SMARCD3: variants seen among roughly 807,000 people sequenced by gnomAD.
The protein encoded by SMARCD3 is SWI/SNF-related matrix-associated actin-dependent regulator of chromatin subfamily D member 3.
SMARCD3 carries 14 observed loss-of-function variants against 58.0 expected under a neutral mutation model. The observed-to-expected ratio is 0.24, with a 90% CI of 0.16 to 0.38. The LOEUF (loss-of-function observed/expected upper bound fraction) is 0.38. SMARCD3 is among the 10% of genes least tolerant of loss of function. The pLI is 1.00. For missense variants in SMARCD3, 408 were observed against 636.9 expected, an observed-to-expected ratio of 0.64 and a Z score of 3.87; for synonymous variants, 253 against 253.8, an observed-to-expected ratio of 1.00 and a Z score of 0.03.
exon 2 of SMARCD3, chr7:151,275,233 C>T: frequency 8.4e-7 from 1 of 1,192,518 alleles, no homozygotes; most frequent in Non-Finnish European, 1.2e-6. Context: ...CCTGCAGCAC[C>T]AAGGGCCATT....
Position 151,243,568 on chromosome 7 carries a change from T to TGAC in SMARCD3, c.333+90_333+91insGTC. 1.3e-6 allele frequency: 1 copy of TGAC among 742,212 alleles called. No individual in the cohort carries two copies. The highest frequency in any genetic ancestry group is 1.4e-5 in the South Asian group (1 of 69,628). The allele number at this position is 742,212 out of a possible 1,614,324, so 46.0% of individuals were successfully genotyped here. A position where few individuals can be genotyped will look rare whatever the true frequency, so the allele number is the denominator to read the frequency against. On this transcript the variant is annotated intron_variant, in intron 3 of 12. Transcript: ENST00000262188. The surrounding 1 kb of genome is among the most constrained non-coding windows in gnomAD (Gnocchi z 4.4). Reference sequence around the variant, plus strand: ...TTTAAACAAAAAGTGAAAGTGACTGTGATGCTGAAGCTCTGCTTCTGAGGG... The same window carrying TGAC: ...TTTAAACAAAAAGTGAAAGTGACTGTGACGATGCTGAAGCTCTGCTTCTGAGGG...
chr7:151,251,914 G>C (rs973027926), upstream of SMARCD3, among the ~76,000 whole-genome samples: 2 of 146,774 alleles, frequency 1.4e-5, no homozygotes, highest in East Asian at 2.0e-4. Context: ...AGCTGGGGGG[G>C]CTCGGGCCGG....
intron 2 of SMARCD3, among the ~76,000 whole-genome samples, chr7:151,271,757 C>G (rs1795181304): frequency 6.6e-6 from 1 of 151,916 alleles, no homozygotes; most frequent in South Asian, 2.1e-4. Flanking sequence ...TTGAGACCAG[C>G]CTAGGAAATA....
chr7:151,271,424 T>C (rs1795171213), intron 2 of SMARCD3, among the ~76,000 whole-genome samples: 1 of 152,034 alleles, frequency 6.6e-6, no homozygotes, highest in South Asian at 2.1e-4. Flanking sequence ...TGCACTTAAG[T>C]TAACTGATGC....
At chr7:151,271,468 G>A (rs1015054259) in intron 2 of SMARCD3, among the ~76,000 whole-genome samples, 4 of 151,958 alleles carry the variant, frequency 2.6e-5, no homozygotes, top group African/African-American at 7.3e-5. Flanking sequence ...CAGGACCTGT[G>A]GGGAAAGACC....
At chr7:151,265,430 C>T (rs1012777801) in intron 2 of SMARCD3, among the ~76,000 whole-genome samples, 3 of 152,226 alleles carry the variant, frequency 2.0e-5, no homozygotes, top group East Asian at 1.9e-4. Flanking sequence ...TTCCAGCCTC[C>T]GACACTGGGA....
chr7:151,273,648 G>A (rs1198394612), intron 2 of SMARCD3, among the ~76,000 whole-genome samples: 1 of 152,244 alleles, frequency 6.6e-6, no homozygotes, highest in Non-Finnish European at 1.5e-5. Context: ...GGGAGGTGTT[G>A]GGGATAAGGG....
intron 2 of SMARCD3, among the ~76,000 whole-genome samples, chr7:151,258,898 G>A (rs116645879): frequency 1.8e-3 from 271 of 152,156 alleles, no homozygotes; most frequent in African/African-American, 6.2e-3. Flanking sequence ...TTCTCAATGA[G>A]GCACAGTCTG....
intron 2 of SMARCD3, among the ~76,000 whole-genome samples, chr7:151,267,106 C>G (rs1213818917): frequency 6.6e-6 from 1 of 152,192 alleles, no homozygotes; most frequent in African/African-American, 2.4e-5. Context: ...AAACATTTAC[C>G]CGCACACCAC....
rs1056738332 is a variant in SMARCD3, at chr7:151,243,304, C to T, written c.333+355G>A. On this transcript the variant is annotated intron_variant, in intron 3 of 12. Transcript: ENST00000262188. This position sits in a 1 kb window ranked among gnomAD's most constrained non-coding sequence, Gnocchi z 4.4. ...GTCCCAACTGTGCTGTCCCCATACC[C>T]AGCTGGACCTGGGTCTCTTTAGGAT... 6.6e-6 allele frequency among the ~76,000 whole-genome samples: 1 copy of T among 152,222 alleles called. No individual in the cohort carries two copies. The highest frequency in any genetic ancestry group is 1.5e-5 in the Non-Finnish European group (1 of 68,036).
At chr7:151,273,083 A>C (rs28722007) in intron 2 of SMARCD3, among the ~76,000 whole-genome samples, 22 of 152,354 alleles carry the variant, frequency 1.4e-4, no homozygotes, top group African/African-American at 5.0e-4. Context: ...CAAATGCCCA[A>C]GTGCCTGCCT....
intron 2 of SMARCD3, among the ~76,000 whole-genome samples, chr7:151,273,202 T>C (rs1003924695): frequency 6.6e-6 from 1 of 152,212 alleles, no homozygotes; most frequent in African/African-American, 2.4e-5. Context: ...GGCTTCTGAC[T>C]CATGGCCAGG....
chr7:151,266,292 C>A (rs1804077383), intron 2 of SMARCD3, among the ~76,000 whole-genome samples: 1 of 151,862 alleles, frequency 6.6e-6, no homozygotes, highest in Non-Finnish European at 1.5e-5. Flanking sequence ...CTACTCTACG[C>A]AAAACATGTC....
chr7:151,259,681 C>A (rs1203207792), intron 2 of SMARCD3, among the ~76,000 whole-genome samples: 1 of 130,916 alleles, frequency 7.6e-6, no homozygotes, highest in Non-Finnish European at 1.5e-5. Flanking sequence ...ATGATCTTGG[C>A]TCACTGCAAC....
rs1803231180 is a variant in SMARCD3, at chr7:151,245,780, C to T, written c.79-109G>A. 1 of 381,042 alleles carries T rather than the reference C, an allele frequency of 2.6e-6. No homozygotes were observed. The allele number at this position is 381,042 out of a possible 1,614,324, so 23.6% of individuals were successfully genotyped here. On this transcript the variant is annotated intron_variant, in intron 1 of 12. Transcript: ENST00000262188. This position sits in a 1 kb window ranked among gnomAD's most constrained non-coding sequence, Gnocchi z 6.2. ...CTCCCCTCCCCCACCAGACCCTCGG[C>T]TGGTGACCCTGAGCGTTGAGCGATG...
intron 2 of SMARCD3, among the ~76,000 whole-genome samples, chr7:151,256,119 C>T (rs73169678): frequency 5.3e-5 from 8 of 151,654 alleles, no homozygotes; most frequent in South Asian, 2.1e-4. Flanking sequence ...TGACCTCAGA[C>T]AATCTGCCTG....
chr7:151,268,115 G>C (rs1249917171), intron 2 of SMARCD3, among the ~76,000 whole-genome samples: 2 of 152,214 alleles, frequency 1.3e-5, no homozygotes, highest in Non-Finnish European at 2.9e-5. Context: ...ACAAGTGGCA[G>C]GCAAGGAAAG....
At position 151,243,959 on chromosome 7, in the gene SMARCD3, T is replaced by C. The variant is rs887914854; in HGVS notation, c.291-258A>G. On this transcript the variant is annotated intron_variant, in intron 2 of 12. Transcript: ENST00000262188. This position sits in a 1 kb window ranked among gnomAD's most constrained non-coding sequence, Gnocchi z 4.4. ...CCACATCCTCAGGGACAGAGAAATT[T>C]AGACAGGAGGGACTGGCTGGTGGGG... is the stretch of plus-strand genomic sequence containing the variant. 5.3e-5 allele frequency among the ~76,000 whole-genome samples: 8 copies of C among 152,182 alleles called. No homozygotes were observed. Among genetic ancestry groups the C allele is most frequent in the Admixed American group, 2.0e-4 (3 of 15,270 alleles).
intron 8 of SMARCD3, 152 bp from the exon 9 acceptor site, chr7:151,240,674 T>G (rs1802937781): frequency 7.3e-6 from 4 of 550,554 alleles, no homozygotes; most frequent in East Asian, 3.3e-5. Context: ...TGGGCTGGTC[T>G]GGTGGTGGAG....
Sources: allele counts gnomAD v4.1 joint callset (sites outside exome capture counted in the v4.1 genomes callset), GRCh38; gene constraint gnomAD v4.1.1; non-coding constraint Gnocchi (gnomAD v3.1); transcripts MANE v1.5; gene names NCBI Gene and HGNC (gene_info 2026-07-23, HGNC 2026-07-21).